The following CASP9 variants were observed in gnomAD, a reference collection of about 807,000 sequenced individuals.
CASP9 encodes the protein caspase-9.
In CASP9, 29 loss-of-function variants were observed where a neutral mutation model predicts 43.5. The ratio of observed to expected loss-of-function variants is 0.67; its 90% CI spans 0.50 to 0.91. CASP9 has a LOEUF of 0.91. Among genes scored for constraint, CASP9 ranks in the 40% least tolerant of loss-of-function variants. CASP9 has a pLI of 0.00. For synonymous variants in CASP9, 206 were observed against 211.9 expected (o/e 0.97, Z 0.24); for missense variants, 575 against 537.4 (o/e 1.07, Z -0.69).
At chr1:15,521,728 C>T (rs765873789) in intron 1 of CASP9, among the ~76,000 whole-genome samples, 10 of 152,040 alleles carry the variant, frequency 6.6e-5, no homozygotes, top group Non-Finnish European at 1.2e-4. Context: ...GGGGCCACTA[C>T]CCTGTCTCCA....
rs1709509193 is a variant in CASP9 at position 15,506,086 on chromosome 1, G to A, written c.631-7C>T. 2 of 1,606,260 alleles carry A rather than the reference G, an allele frequency of 1.2e-6. No individual in the cohort carries two copies. Among genetic ancestry groups the A allele is most frequent in the African/African-American group, 2.7e-5 (2 of 74,716 alleles). On this transcript the variant is annotated splice_polypyrimidine_tract_variant and splice_region_variant and intron_variant, in intron 4 of 8. Coordinates refer to ENST00000333868, the MANE Select transcript of CASP9 (RefSeq NM_001229.5). ...GCAAAGCCAGCACCATTTTCTACAAGAGAGGGCTGCAGGTGAGCCAGAAGC... is the reference window on the plus strand; with the variant it reads ...GCAAAGCCAGCACCATTTTCTACAAAAGAGGGCTGCAGGTGAGCCAGAAGC...
At chr1:15,502,137 C>A (rs1709352994) in intron 6 of CASP9, among the ~76,000 whole-genome samples, 1 of 151,630 alleles carries the variant, frequency 6.6e-6, no homozygotes, top group African/African-American at 2.4e-5. Flanking sequence ...GGCCTGGCTG[C>A]AGGGTAGGCC....
intron 6 of CASP9, among the ~76,000 whole-genome samples, chr1:15,500,676 T>TTA (rs2103337642): frequency 6.6e-6 from 1 of 152,252 alleles, no homozygotes; most frequent in Non-Finnish European, 1.5e-5. Context: ...GTTGTTTTCT[T>TTA]GGTAGAGACT....
chr1:15,502,095 C>G (rs536324680), intron 6 of CASP9, among the ~76,000 whole-genome samples: 10 of 152,326 alleles, frequency 6.6e-5, no homozygotes, highest in Admixed American at 6.5e-4. Context: ...ACATGAGACG[C>G]AACCAGACTG....
intron 2 of CASP9, among the ~76,000 whole-genome samples, chr1:15,512,835 C>T (rs1415613967): frequency 3.9e-5 from 6 of 152,140 alleles, no homozygotes; most frequent in Non-Finnish European, 7.4e-5. Context: ...CCAAGTACCT[C>T]GGACTCACTC....
rs560136109 is a variant in CASP9, at chr1:15,496,895, GTC to G, written c.869-1445_869-1444del. Reference sequence around the variant, plus strand: ...CCAGGTGTGGTGGCATGTGCCTGTGGTCCCAGCTACTCGTGAGGCTGAGGTGG... The same window carrying G: ...CCAGGTGTGGTGGCATGTGCCTGTGGCCAGCTACTCGTGAGGCTGAGGTGG... On this transcript the variant is annotated intron_variant, in intron 6 of 8. Coordinates refer to ENST00000333868, the MANE Select transcript of CASP9 (RefSeq NM_001229.5). Among the ~76,000 whole-genome samples the G allele has an allele frequency of 2.5e-3, 382 of 151,972 alleles. 4 individuals carry two copies. The highest frequency in any genetic ancestry group is 8.8e-3 in the African/African-American group (366 of 41,446).
At chr1:15,524,268 C>T (rs1429987486), upstream of CASP9, 3 of 1,503,844 alleles carry the variant, frequency 2.0e-6, no homozygotes, top group Admixed American at 2.1e-5. Flanking sequence ...CCGCCCCAGT[C>T]CCCAGGACCC....
intron 2 of CASP9, among the ~76,000 whole-genome samples, chr1:15,509,460 C>CAAAAAAA (rs563284288): frequency 2.7e-3 from 289 of 105,300 alleles, no homozygotes; most frequent in African/African-American, 3.3e-3. Context: ...ACTAAAAATA[C>CAAAAAAA]AAAAAAAAAA....
intron 2 of CASP9, among the ~76,000 whole-genome samples, chr1:15,511,955 G>A (rs148785977): frequency 1.3e-5 from 2 of 152,176 alleles, no homozygotes; most frequent in African/African-American, 2.4e-5. Context: ...AAGACCCAAG[G>A]CTCACTCAAT....
At chr1:15,523,493 A>G (rs903307162) in intron 1 of CASP9, among the ~76,000 whole-genome samples, 1 of 152,254 alleles carries the variant, frequency 6.6e-6, no homozygotes, top group African/African-American at 2.4e-5. Flanking sequence ...ATTAAAATGG[A>G]GACCAACCAT....
intron 2 of CASP9, among the ~76,000 whole-genome samples, chr1:15,514,160 C>T (rs1709868141): frequency 6.6e-6 from 1 of 152,156 alleles, no homozygotes; most frequent in Non-Finnish European, 1.5e-5. Flanking sequence ...TGGGTTTTGG[C>T]AGCATCTCTG....
At position 15,492,365 on chromosome 1, in the gene CASP9, C is replaced by T. The variant is rs1708923726; in HGVS notation, c.*578G>A. 1 of 152,222 alleles carries T rather than the reference C, an allele frequency of 6.6e-6. No individual in the cohort carries two copies. The allele number at this position is 152,222 out of a possible 1,614,324, so 9.4% of individuals were successfully genotyped here. ...AATTTCACTTAGAATTCATAGATTACAGCTGTTCAGACTCTAGTAGGCCCC... is the reference window on the plus strand; with the variant it reads ...AATTTCACTTAGAATTCATAGATTATAGCTGTTCAGACTCTAGTAGGCCCC... On this transcript the variant is annotated 3_prime_UTR_variant, in exon 9 of 9. Coordinates refer to ENST00000333868, the MANE Select transcript of CASP9 (RefSeq NM_001229.5).
chr1:15,511,702 C>A (rs1408388069), intron 2 of CASP9, among the ~76,000 whole-genome samples: 3 of 152,306 alleles, frequency 2.0e-5, no homozygotes, highest in South Asian at 4.1e-4. Context: ...CCATGCCCAG[C>A]CTACCTAGAT....
intron 6 of CASP9, among the ~76,000 whole-genome samples, chr1:15,502,712 C>A (rs1709371024): frequency 6.6e-6 from 1 of 152,178 alleles, no homozygotes; most frequent in African/African-American, 2.4e-5. Flanking sequence ...CTGGATGGGG[C>A]ATGGGAGGAG....
chr1:15,491,482 G>A lies in CASP9; in HGVS notation c.*1461C>T. On this transcript the variant is annotated 3_prime_UTR_variant, in exon 9 of 9. Transcript: ENST00000333868. ...GCCCTAAGAACCAGAAATAGGTCAGGCGCAATGGCTCAAGCCTGTAACCCC... is the reference window on the plus strand; with the variant it reads ...GCCCTAAGAACCAGAAATAGGTCAGACGCAATGGCTCAAGCCTGTAACCCC... 2.3e-6 allele frequency: 2 copies of A among 888,292 alleles called. No homozygotes were observed. The highest frequency in any genetic ancestry group is 1.7e-6 in the Non-Finnish European group (1 of 580,280). The allele number at this position is 888,292 out of a possible 1,614,324, so 55.0% of individuals were successfully genotyped here.
At chr1:15,521,196 G>A (rs1460093573) in intron 1 of CASP9, among the ~76,000 whole-genome samples, 5 of 150,398 alleles carry the variant, frequency 3.3e-5, no homozygotes, top group Non-Finnish European at 7.4e-5. Context: ...CTTGAACCCG[G>A]AAGGTGGAGG....
intron 1 of CASP9, among the ~76,000 whole-genome samples, 180 bp from the exon 2 acceptor site, chr1:15,518,575 G>A (rs1412222391): frequency 6.6e-6 from 1 of 152,222 alleles, no homozygotes; most frequent in African/African-American, 2.4e-5. Flanking sequence ...ATTTTGCAGG[G>A]CAAAAGATGC....
upstream of CASP9, chr1:15,524,338 G>A (rs1189263779): frequency 6.7e-6 from 9 of 1,340,158 alleles, no homozygotes; most frequent in Non-Finnish European, 8.4e-6. Flanking sequence ...GCTCCCCACC[G>A]CCTCCGGACG....
chr1:15,513,435 C>T (rs1239311969), intron 2 of CASP9, among the ~76,000 whole-genome samples: 2 of 152,112 alleles, frequency 1.3e-5, no homozygotes, highest in Non-Finnish European at 2.9e-5. Context: ...CAAGGCATCA[C>T]GTCTGAAACT....
Sources: allele counts gnomAD v4.1 joint callset (sites outside exome capture counted in the v4.1 genomes callset), GRCh38; gene constraint gnomAD v4.1.1; transcripts MANE v1.5; gene names NCBI Gene and HGNC (gene_info 2026-07-23, HGNC 2026-07-21).